RNF215: variants seen among roughly 807,000 people sequenced by gnomAD.
RNF215 encodes ring finger protein 215.
Under a neutral mutation model 44.8 loss-of-function variants are expected in RNF215, and 41 were observed. The ratio of observed to expected loss-of-function variants is 0.92; its 90% CI spans 0.71 to 1.19. The LOEUF is 1.19. Among genes scored for constraint, RNF215 ranks in the 50% most tolerant of loss-of-function variants. The pLI is 0.00. For missense variants in RNF215, 452 were observed against 496.2 expected (o/e 0.91, Z 0.85); for synonymous variants, 218 against 230.1 (o/e 0.95, Z 0.48).
In RNF215 at chr22:30,379,854, G is replaced by A. The variant is rs1352943290; in HGVS notation, c.1009-41C>T. ...AGGAAGGGCTCAGGTCACCGAAGCAGGACTCCACGTGGGGGTGCCTGGTCC... is the reference window on the plus strand; with the variant it reads ...AGGAAGGGCTCAGGTCACCGAAGCAAGACTCCACGTGGGGGTGCCTGGTCC... On this transcript the variant is annotated intron_variant, in intron 7 of 8. Transcript: ENST00000382363. 3.8e-5 allele frequency: 59 copies of A among 1,563,004 alleles called. 2 individuals carry two copies. In the Admixed American group the frequency reaches 1.1e-3, roughly 28 times the overall value.
Position 30,387,031 on chromosome 22 carries a change from G to T in RNF215, c.283C>A (p.Leu95Met). 1 of 1,543,880 alleles carries T rather than the reference G, an allele frequency of 6.5e-7. No individual in the cohort carries two copies. ...CCAGATGGCTCAGCAGCGCTCACCA[G>T]CAGCAGACGACCGCCCAGCAGGGGC... ...PAPLLGGRLL[L>M]MDIVDAEQEA... The change falls in exon 1 of 9, where the codon CTG becomes ATG. Residue 95 changes from leucine (L) to methionine (M), a missense_variant and splice_region_variant. Transcript: ENST00000382363.
Position 30,387,262 on chromosome 22 carries a change from G to T in RNF215, c.52C>A (p.Pro18Thr). Reference protein sequence around the residue: ...ALRSPPPPPPPPPSPLLLLLP... With the variant: ...ALRSPPPPPPTPPSPLLLLLP... ...AGCAGCAGCAGCGGAGACGGAGGCG[G>T]CGGCGGAGGCGGCGGCGGCGATCTC... The change falls in exon 1 of 9, where the codon CCG (proline) becomes ACG (threonine). Residue 18 changes from proline to threonine, a missense_variant. Transcript: ENST00000382363. The T allele has an allele frequency of 9.7e-7, 1 of 1,035,966 alleles. No homozygotes were observed. Among genetic ancestry groups the T allele is most frequent in the Non-Finnish European group, 1.2e-6 (1 of 858,776 alleles). The allele number at this position is 1,035,966 out of a possible 1,614,324, so 64.2% of individuals were successfully genotyped here.
In RNF215 at chr22:30,380,463, T is replaced by C. The variant is rs2145982439; in HGVS notation, c.745-62A>G. On this transcript the variant is annotated intron_variant, in intron 5 of 8. Coordinates refer to ENST00000382363, the MANE Select transcript of RNF215 (RefSeq NM_001017981.2). This position sits in a 1 kb window ranked among gnomAD's most constrained non-coding sequence, Gnocchi z 5.3. ...CCCCCACACGCCTCCCTTAGGAACA[T>C]CTACCCCCAGGAACGCCAGGGAGCA... 1.3e-6 allele frequency: 2 copies of C among 1,531,526 alleles called. No individual in the cohort carries two copies. The highest frequency in any genetic ancestry group is 1.8e-6 in the Non-Finnish European group (2 of 1,138,322). The allele number at this position is 1,531,526 out of a possible 1,614,324, so 94.9% of individuals were successfully genotyped here.
Position 30,387,290 on chromosome 22 carries a change from C to T in RNF215, c.24G>A (p.Ala8=), listed in dbSNP as rs1933617734. 1 of 1,069,202 alleles carries T rather than the reference C, an allele frequency of 9.4e-7. No individual in the cohort carries two copies. The highest frequency in any genetic ancestry group is 1.1e-6 in the Non-Finnish European group (1 of 887,072). 66.2% of individuals were successfully genotyped at this position (1,069,202 alleles called of 1,614,324 possible). ...GCGGAGGCGGCGGCGGCGATCTCAG[C>T]GCGGGGCGAGCGGCGGGGCCCATGG... MGPAARP[A]LRSPPPPPPP... The change falls in exon 1 of 9, where the codon GCG becomes GCA. Residue 8 remains alanine (A), a synonymous_variant. Transcript: ENST00000382363.
rs1933606379 is a variant in RNF215 at position 30,386,774 on chromosome 22, G to A, written c.286-15C>T. On this transcript the variant is annotated splice_polypyrimidine_tract_variant and intron_variant, in intron 1 of 8. Coordinates refer to ENST00000382363, the MANE Select transcript of RNF215 (RefSeq NM_001017981.2). ...ACGATGTCCATCTGTGTGGCAAGGG[G>A]CCATGAGCAGAGGGAGGTAGGGTGT... The A allele has an allele frequency of 6.3e-7, 1 of 1,598,892 alleles. No homozygotes were observed.
In RNF215 at chr22:30,379,802, C is replaced by T; in HGVS notation, c.1020G>A (p.Val340=). 6.4e-7 allele frequency: 1 copy of T among 1,569,974 alleles called. No homozygotes were observed. Among genetic ancestry groups the T allele is most frequent in the Non-Finnish European group, 8.6e-7 (1 of 1,159,114 alleles). The change falls in exon 8 of 9, where the codon GTG becomes GTA. Residue 340 remains valine, a synonymous_variant. Coordinates refer to ENST00000382363, the MANE Select transcript of RNF215 (RefSeq NM_001017981.2). ...GGTGAAACTCGTGCTTACAGGGCAG[C>T]ACCCGGAGCCACTACAGGGGTGGGG... ...DYFCNKQWLR[V]LPCKHEFHRD... is the part of the protein sequence containing the mutation.
chr22:30,379,378 C>T lies in RNF215; in HGVS notation c.*222G>A. 1.7e-6 allele frequency: 1 copy of T among 605,728 alleles called. No individual in the cohort carries two copies. The highest frequency in any genetic ancestry group is 2.9e-6 in the Non-Finnish European group (1 of 344,112). 37.5% of individuals were successfully genotyped at this position (605,728 alleles called of 1,614,324 possible). On this transcript the variant is annotated 3_prime_UTR_variant, in exon 9 of 9. Transcript: ENST00000382363. ...CAGAGAAGGTCCCAAAGTGACCTCTCTTCCTTGACTGACAGGTCCCAGCCC... is the reference window on the plus strand; with the variant it reads ...CAGAGAAGGTCCCAAAGTGACCTCTTTTCCTTGACTGACAGGTCCCAGCCC...
chr22:30,379,505 T>C lies in RNF215; in HGVS notation c.*95A>G, dbSNP rs1252354895. 2.7e-6 allele frequency: 4 copies of C among 1,460,176 alleles called. No individual in the cohort carries two copies. Among genetic ancestry groups the C allele is most frequent in the Non-Finnish European group, 3.7e-6 (4 of 1,082,154 alleles). The allele number at this position is 1,460,176 out of a possible 1,614,324, so 90.5% of individuals were successfully genotyped here. A position where few individuals can be genotyped will look rare whatever the true frequency, so the allele number is the denominator to read the frequency against. On this transcript the variant is annotated 3_prime_UTR_variant, in exon 9 of 9. Coordinates refer to ENST00000382363, the MANE Select transcript of RNF215 (RefSeq NM_001017981.2). Reference sequence around the variant, plus strand: ...ACTGGGCTTGCTGTCCTGTCTATCCTGCTGTCCCATCCTGTCCTGTCCTGG... The same window carrying C: ...ACTGGGCTTGCTGTCCTGTCTATCCCGCTGTCCCATCCTGTCCTGTCCTGG...
At chr22:30,379,685 C>T (rs1246114100) in intron 8 of RNF215, 26 bp downstream of exon 8, 8 of 1,552,422 alleles carry the variant, frequency 5.2e-6, no homozygotes, top group South Asian at 3.6e-5. Flanking sequence ...CAGAGTAGGC[C>T]GAGGGACCCC....
At chr22:30,379,984 G>A (rs901802203) in intron 7 of RNF215, 78 bp downstream of exon 7, 4 of 1,588,712 alleles carry the variant, frequency 2.5e-6, no homozygotes, top group South Asian at 2.2e-5. Flanking sequence ...GCCTGGTGGT[G>A]GTGGTTCCAA....
At chr22:30,381,662 G>A (rs915099908) in intron 5 of RNF215, among the ~76,000 whole-genome samples, 2 of 152,216 alleles carry the variant, frequency 1.3e-5, no homozygotes, top group African/African-American at 2.4e-5. Context: ...CTCATCTACC[G>A]TCATGTGGGG....
At chr22:30,382,389 A>C (rs1366758701) in intron 5 of RNF215, among the ~76,000 whole-genome samples, 1 of 147,854 alleles carries the variant, frequency 6.8e-6, no homozygotes, top group African/African-American at 2.5e-5. Flanking sequence ...GGGCAACAAG[A>C]GCGAAACTCT....
intron 5 of RNF215, among the ~76,000 whole-genome samples, chr22:30,383,161 C>T (rs932885227): frequency 3.3e-5 from 5 of 152,120 alleles, no homozygotes; most frequent in Non-Finnish European, 7.4e-5. Context: ...GGACTGAGAG[C>T]CCGATGCCCA....
Position 30,380,011 on chromosome 22 carries a change from T to A in RNF215, c.1008+51A>T. 6.2e-7 allele frequency: 1 copy of A among 1,606,770 alleles called. No homozygotes were observed. The highest frequency in any genetic ancestry group is 8.5e-7 in the Non-Finnish European group (1 of 1,174,564). On this transcript the variant is annotated intron_variant, in intron 7 of 8. Coordinates refer to ENST00000382363, the MANE Select transcript of RNF215 (RefSeq NM_001017981.2). The surrounding 1 kb of genome is among the most constrained non-coding windows in gnomAD (Gnocchi z 5.3). Reference sequence around the variant, plus strand: ...TGGTTCCAAGGTCCCAGGAGTAAGGTGGGAGGCATCACAGGTGAGCTGATG... The same window carrying A: ...TGGTTCCAAGGTCCCAGGAGTAAGGAGGGAGGCATCACAGGTGAGCTGATG...
At chr22:30,386,425 T>G (rs1933600638) in intron 2 of RNF215, among the ~76,000 whole-genome samples, 191 bp downstream of exon 2, 1 of 152,034 alleles carries the variant, frequency 6.6e-6, no homozygotes, top group Admixed American at 6.5e-5. Flanking sequence ...CTTCTCAACC[T>G]CTCTCTGGCC....
rs1933619559 is a variant in RNF215, at chr22:30,387,365, G to C, written c.-52C>G. 3 of 1,033,108 alleles carry C rather than the reference G, an allele frequency of 2.9e-6. No homozygotes were observed. The highest frequency in any genetic ancestry group is 3.5e-5 in the African/African-American group (2 of 57,964). 64.0% of individuals were successfully genotyped at this position (1,033,108 alleles called of 1,614,324 possible). A position where few individuals can be genotyped will look rare whatever the true frequency, so the allele number is the denominator to read the frequency against. On this transcript the variant is annotated 5_prime_UTR_variant, in exon 1 of 9. Coordinates refer to ENST00000382363, the MANE Select transcript of RNF215 (RefSeq NM_001017981.2). Reference sequence around the variant, plus strand: ...AGTGGGGCCAGGGGTCCCGGGCGCGGGGGGGATCGGAGGGAGCGAGGCCGC... The same window carrying C: ...AGTGGGGCCAGGGGTCCCGGGCGCGCGGGGGATCGGAGGGAGCGAGGCCGC...
intron 1 of RNF215, 35 bp from the exon 2 acceptor site, chr22:30,386,794 G>A (rs780259710): frequency 3.2e-6 from 5 of 1,586,542 alleles, no homozygotes; most frequent in Non-Finnish European, 2.6e-6. Context: ...GAGGGAGGTA[G>A]GGTGTGGTGG....
rs765121425 is a variant in RNF215 at position 30,379,660 on chromosome 22, C to G, written c.1112-38G>C. On this transcript the variant is annotated intron_variant, in intron 8 of 8. Coordinates refer to ENST00000382363, the MANE Select transcript of RNF215 (RefSeq NM_001017981.2). ...GGAAGAAGAACAGGGAGAGAGGCAT[C>G]AGGTGAGGAGCAGGCAGAGTAGGCC... The G allele has an allele frequency of 1.7e-5, 27 of 1,552,154 alleles. No individual in the cohort carries two copies. In the East Asian group the frequency reaches 6.1e-4, roughly 35 times the overall value.
At chr22:30,385,421 C>CAA (rs917390932) in intron 4 of RNF215, among the ~76,000 whole-genome samples, 9 of 52,964 alleles carry the variant, frequency 1.7e-4, no homozygotes, top group East Asian at 7.2e-4. Context: ...AACTCCATCT[C>CAA]AAAAAAAAAA....
Sources: allele counts gnomAD v4.1 joint callset (sites outside exome capture counted in the v4.1 genomes callset), GRCh38; gene constraint gnomAD v4.1.1; non-coding constraint Gnocchi (gnomAD v3.1); transcripts MANE v1.5; gene names NCBI Gene and HGNC (gene_info 2026-07-23, HGNC 2026-07-21).